CCDC102A: variants seen among roughly 807,000 people sequenced by gnomAD.
CCDC102A encodes coiled-coil domain-containing protein 102A.
In CCDC102A, 40 loss-of-function variants were observed where a neutral mutation model predicts 55.5. The ratio of observed to expected loss-of-function variants is 0.72; its 90% CI spans 0.56 to 0.94. The LOEUF (loss-of-function observed/expected upper bound fraction) is 0.94, where lower values mean the gene tolerates loss of function less well. CCDC102A is among the 40% of genes least tolerant of loss of function. CCDC102A has a pLI of 0.00. For missense variants in CCDC102A, 779 were observed against 768.6 expected (o/e 1.01, Z -0.16); for synonymous variants, 323 against 339.0 (o/e 0.95, Z 0.52).
chr16:57,533,491 C>T lies in CCDC102A; in HGVS notation c.-148+3009G>A, dbSNP rs557043757. Among the ~76,000 whole-genome samples the T allele has an allele frequency of 2.0e-5, 3 of 151,084 alleles. No homozygotes were observed. In the South Asian group the frequency reaches 6.3e-4, roughly 32 times the overall value. The stretch of plus-strand genomic sequence containing the variant: ...AGTAATGCACACATTCACACACACA[C>T]CCCCAGGGACCCGCACTCACACACA... On this transcript the variant is annotated intron_variant, in intron 1 of 8. Coordinates refer to ENST00000258214, the MANE Select transcript of CCDC102A (RefSeq NM_033212.4).
At chr16:57,535,360 C>G (rs2032351905) in intron 1 of CCDC102A, among the ~76,000 whole-genome samples, 1 of 152,190 alleles carries the variant, frequency 6.6e-6, no homozygotes. Context: ...GCCACAGAGA[C>G]AGCCTGGATC....
rs1181932084 is a variant in CCDC102A at position 57,516,343 on chromosome 16, G to A, written c.1369C>T (p.Arg457Trp). 10 of 1,608,176 alleles carry A rather than the reference G, an allele frequency of 6.2e-6. No homozygotes were observed. Among genetic ancestry groups the A allele is most frequent in the African/African-American group, 2.7e-5 (2 of 74,950 alleles). Residue 457 changes from arginine to tryptophan, a missense_variant, in exon 7 of 9, where the codon CGG becomes TGG. Physicochemically the swap from Arg to Trp is moderately radical, Grantham distance 101 (BLOSUM62 -3). Transcript: ENST00000258214. This position sits in a 1 kb window ranked among gnomAD's most constrained non-coding sequence, Gnocchi z 4.4. ...TTCTTGAGCTCCTCCACCCGCAGCC[G>A]CAGCTTCTTCACCTCAGCCTCGTGC... ...EQHEAEVKKL[R>W]LRVEELKKEL...
At chr16:57,519,945 G>A (rs1252655679) in intron 4 of CCDC102A, among the ~76,000 whole-genome samples, 1 of 152,204 alleles carries the variant, frequency 6.6e-6, no homozygotes, top group African/African-American at 2.4e-5. Flanking sequence ...GCGCCCTCTG[G>A]TGGCCATTGA....
rs2031954526 is a variant in CCDC102A, at chr16:57,516,314, C to G, written c.1398G>C (p.Glu466Asp). 2 of 1,606,286 alleles carry G rather than the reference C, an allele frequency of 1.2e-6. No homozygotes were observed. The highest frequency in any genetic ancestry group is 1.7e-5 in the Admixed American group (1 of 60,030). Reference protein sequence around the residue: ...LRLRVEELKKELAQAEDELDE... With the variant: ...LRLRVEELKKDLAQAEDELDE... ...TCACCTCGTCCTCAGCCTGGGCCAGCTCCTTCTTGAGCTCCTCCACCCGCA... is the reference window on the plus strand; with the variant it reads ...TCACCTCGTCCTCAGCCTGGGCCAGGTCCTTCTTGAGCTCCTCCACCCGCA... Residue 466 changes from glutamate to aspartate, a missense_variant, in exon 7 of 9, where the codon GAG becomes GAC. Coordinates refer to ENST00000258214, the MANE Select transcript of CCDC102A (RefSeq NM_033212.4). The surrounding 1 kb of genome is among the most constrained non-coding windows in gnomAD (Gnocchi z 4.4).
At chr16:57,527,424 T>TTG (rs2032157338) in intron 2 of CCDC102A, among the ~76,000 whole-genome samples, 1 of 151,620 alleles carries the variant, frequency 6.6e-6, no homozygotes, top group African/African-American at 2.4e-5. Context: ...GCTGCTTTTT[T>TTG]TTTTTTTTTT....
chr16:57,533,846 C>T (rs1325038476), intron 1 of CCDC102A, among the ~76,000 whole-genome samples: 1 of 152,200 alleles, frequency 6.6e-6, no homozygotes, highest in Non-Finnish European at 1.5e-5. Context: ...CCCCAGCTGC[C>T]CTGCCCGCCC....
At chr16:57,532,411 C>T (rs1328971106) in intron 1 of CCDC102A, among the ~76,000 whole-genome samples, 1 of 152,188 alleles carries the variant, frequency 6.6e-6, no homozygotes, top group African/African-American at 2.4e-5. Context: ...CAGCCTGTGC[C>T]TCTGTGACCC....
rs1188326754 is a variant in CCDC102A at position 57,528,690 on chromosome 16, G to A, written c.488C>T (p.Ala163Val). ...RGRELARLRG[A>V]RGVADQTRDG... ...GCGCGTCTGGTCGGCGACCCCCCGG[G>A]CGCCCCTCAGCCGCGCCAGCTCGCG... The change falls in exon 2 of 9, where the codon GCC becomes GTC. Residue 163 changes from alanine to valine, a missense_variant. Transcript: ENST00000258214. The A allele has an allele frequency of 2.7e-6, 3 of 1,122,346 alleles. No individual in the cohort carries two copies. The highest frequency in any genetic ancestry group is 3.3e-6 in the Non-Finnish European group (3 of 914,108). The allele number at this position is 1,122,346 out of a possible 1,614,324, so 69.5% of individuals were successfully genotyped here.
chr16:57,532,698 GAC>G (rs10535195), intron 1 of CCDC102A, among the ~76,000 whole-genome samples: 16,536 of 148,060 alleles, frequency 0.11, 997 homozygotes, highest in African/African-American at 0.17. Flanking sequence ...AAGTGAAGCA[GAC>G]ACACACACAC....
chr16:57,532,574 ACACGGGTG>A (rs1200486244), intron 1 of CCDC102A, among the ~76,000 whole-genome samples: 1 of 152,202 alleles, frequency 6.6e-6, no homozygotes, highest in Non-Finnish European at 1.5e-5. Flanking sequence ...GCACACAACG[ACACGGGTG>A]CATGGAGAGA....
intron 4 of CCDC102A, 102 bp downstream of exon 4, chr16:57,520,966 T>C: frequency 1.3e-6 from 1 of 779,282 alleles, no homozygotes; most frequent in Non-Finnish European, 2.2e-6. Flanking sequence ...GAACAACTGT[T>C]GGATGAATTA....
intron 1 of CCDC102A, among the ~76,000 whole-genome samples, chr16:57,533,332 C>T (rs1455116251): frequency 2.6e-5 from 4 of 152,024 alleles, no homozygotes; most frequent in South Asian, 4.1e-4. Context: ...AAGCCCACCC[C>T]GCCCCCAGCA....
chr16:57,531,216 T>G (rs1368858768), intron 1 of CCDC102A, among the ~76,000 whole-genome samples: 3 of 151,800 alleles, frequency 2.0e-5, no homozygotes, highest in Non-Finnish European at 4.4e-5. Context: ...AAAATAGAAC[T>G]TGCTGCCTCC....
At chr16:57,531,246 C>T (rs2032255273) in intron 1 of CCDC102A, among the ~76,000 whole-genome samples, 1 of 151,930 alleles carries the variant, frequency 6.6e-6, no homozygotes, top group Admixed American at 6.6e-5. Context: ...GTGACCAGCT[C>T]CTCCTGGGTG....
chr16:57,527,947 C>CT (rs1291050022), intron 2 of CCDC102A, among the ~76,000 whole-genome samples: 1 of 152,084 alleles, frequency 6.6e-6, no homozygotes, highest in Non-Finnish European at 1.5e-5. Flanking sequence ...CCTTCGGGCA[C>CT]TTTTTTTCTT....
At chr16:57,513,474 G>T (rs867142) in intron 8 of CCDC102A, among the ~76,000 whole-genome samples, 19,509 of 152,232 alleles carry the variant, frequency 0.13, 2,047 homozygotes, top group African/African-American at 0.29. Context: ...TAAGGGAGGG[G>T]CACAGGCGGG....
chr16:57,534,483 C>T (rs2032333862), intron 1 of CCDC102A, among the ~76,000 whole-genome samples: 1 of 152,234 alleles, frequency 6.6e-6, no homozygotes, highest in South Asian at 2.1e-4. Context: ...AACTCCTACA[C>T]ATCCTTCAAA....
rs993064821 is a variant in CCDC102A, at chr16:57,529,995, G to T, written c.-147-671C>A. Reference sequence around the variant, plus strand: ...TGAACGATCTCATTTATTCCTTAAAGAGTGGAGGTGAAGAAAATGATTACC... The same window carrying T: ...TGAACGATCTCATTTATTCCTTAAATAGTGGAGGTGAAGAAAATGATTACC... On this transcript the variant is annotated intron_variant, in intron 1 of 8. Transcript: ENST00000258214. This position sits in a 1 kb window ranked among gnomAD's most constrained non-coding sequence, Gnocchi z 4.1. Among the ~76,000 whole-genome samples the T allele has an allele frequency of 6.6e-6, 1 of 152,208 alleles. No homozygotes were observed. Among genetic ancestry groups the T allele is most frequent in the Admixed American group, 6.5e-5 (1 of 15,280 alleles).
chr16:57,531,845 G>A (rs2032270461), intron 1 of CCDC102A, among the ~76,000 whole-genome samples: 1 of 152,176 alleles, frequency 6.6e-6, no homozygotes, highest in South Asian at 2.1e-4. Context: ...TCCCTCCACT[G>A]CTTTGCCCAC....
Sources: allele counts gnomAD v4.1 joint callset (sites outside exome capture counted in the v4.1 genomes callset), GRCh38; gene constraint gnomAD v4.1.1; non-coding constraint Gnocchi (gnomAD v3.1); transcripts MANE v1.5; gene names NCBI Gene and HGNC (gene_info 2026-07-23, HGNC 2026-07-21).